The following TRPM3 variants were observed in gnomAD, a reference collection of about 807,000 sequenced individuals.
TRPM3 encodes transient receptor potential cation channel subfamily M member 3.
Under a neutral mutation model 181.2 loss-of-function variants are expected in TRPM3, and 77 were observed. The ratio of observed to expected loss-of-function variants is 0.42; its 90% CI spans 0.35 to 0.51. TRPM3 has a LOEUF of 0.51. TRPM3 is among the 20% of genes least tolerant of loss of function. The probability of loss-of-function intolerance (pLI) is 0.01; values close to 1 mark genes in which losing one functional copy is unlikely to be tolerated. For missense variants in TRPM3, 1,759 were observed against 2,196.7 expected, an observed-to-expected ratio of 0.80 and a Z score of 3.98; for synonymous variants, 745 against 796.4, an observed-to-expected ratio of 0.94 and a Z score of 1.09.
intron 21 of TRPM3, among the ~76,000 whole-genome samples, chr9:70,592,116 A>G (rs1163521025): frequency 6.6e-6 from 1 of 152,210 alleles, no homozygotes; most frequent in African/African-American, 2.4e-5. Context: ...TCAAAATATT[A>G]AATAGATGAG....
intron 1 of TRPM3, among the ~76,000 whole-genome samples, chr9:70,877,127 A>T (rs893298025): frequency 6.6e-6 from 1 of 152,018 alleles, no homozygotes; most frequent in Admixed American, 6.6e-5. Context: ...GAATTAGCTC[A>T]TGGCATTTCA....
chr9:71,137,949 T>C (rs2074866633), intron 1 of TRPM3, among the ~76,000 whole-genome samples: 1 of 151,728 alleles, frequency 6.6e-6, no homozygotes, highest in Non-Finnish European at 1.5e-5. Flanking sequence ...AAATCCTGTC[T>C]CTAAAAATGC....
At chr9:70,923,643 C>A (rs973163903) in intron 1 of TRPM3, among the ~76,000 whole-genome samples, 1 of 151,894 alleles carries the variant, frequency 6.6e-6, no homozygotes, top group Non-Finnish European at 1.5e-5. Context: ...ATTTTTCTTG[C>A]CAGTTGTCAA....
chr9:70,784,355 GAAAC>G (rs2083120410), intron 6 of TRPM3, 76 bp from the exon 7 acceptor site: 1 of 1,439,070 alleles, frequency 6.9e-7, no homozygotes, highest in African/African-American at 1.4e-5. Context: ...AACAAAAAGA[GAAAC>G]AAAAAGCACA....
chr9:71,162,701 C>A (rs538940537), intron 1 of TRPM3, among the ~76,000 whole-genome samples: 2 of 152,072 alleles, frequency 1.3e-5, no homozygotes, highest in South Asian at 4.2e-4. Context: ...ATATATTAAT[C>A]ATTTATTTAA....
intron 8 of TRPM3, among the ~76,000 whole-genome samples, chr9:70,695,033 C>T (rs1054805218): frequency 6.6e-6 from 1 of 152,210 alleles, no homozygotes. Flanking sequence ...TGCCCATGAC[C>T]CAGAGCAATG....
At chr9:71,000,732 T>C (rs748873143) in intron 1 of TRPM3, among the ~76,000 whole-genome samples, 3 of 152,208 alleles carry the variant, frequency 2.0e-5, no homozygotes, top group South Asian at 4.1e-4. Context: ...AAGCTGGCAA[T>C]ACAATGTACA....
chr9:70,577,982 T>C (rs997384087), intron 22 of TRPM3, among the ~76,000 whole-genome samples: 2 of 152,250 alleles, frequency 1.3e-5, no homozygotes, highest in African/African-American at 4.8e-5. Flanking sequence ...TCTGAAGCTC[T>C]TGTTCAGAAT....
chr9:71,432,741 G>C (rs1225541383), intron 1 of TRPM3, among the ~76,000 whole-genome samples: 1 of 152,108 alleles, frequency 6.6e-6, no homozygotes, highest in African/African-American at 2.4e-5. Context: ...GGATGACTTT[G>C]TGATATGAAG....
chr9:70,865,418 A>G (rs1022935477), intron 1 of TRPM3: 2 of 152,094 alleles, frequency 1.3e-5, no homozygotes, highest in African/African-American at 4.8e-5. Flanking sequence ...AGCCTTTAAG[A>G]TGGAAGTTGC....
chr9:70,642,623 T>C (rs1230676317), intron 9 of TRPM3, among the ~76,000 whole-genome samples: 1 of 152,216 alleles, frequency 6.6e-6, no homozygotes, highest in Non-Finnish European at 1.5e-5. Context: ...AAGCTCTCCA[T>C]GTGCTTCCAA....
chr9:70,897,630 C>T (rs2096297871), intron 1 of TRPM3, among the ~76,000 whole-genome samples: 1 of 152,028 alleles, frequency 6.6e-6, no homozygotes, highest in Non-Finnish European at 1.5e-5. Flanking sequence ...TTCTAGAAAA[C>T]TCATAAAGTC....
chr9:71,135,948 A>G (rs1451464848), intron 1 of TRPM3, among the ~76,000 whole-genome samples: 3 of 152,212 alleles, frequency 2.0e-5, no homozygotes. Flanking sequence ...CTTGCAGCAT[A>G]ACCATGAATT....
intron 1 of TRPM3, among the ~76,000 whole-genome samples, chr9:71,368,468 G>A (rs1438275829): frequency 6.6e-6 from 1 of 152,058 alleles, no homozygotes. Context: ...TGTACCAAGG[G>A]AATAGAACAG....
chr9:71,211,763 T>A (rs935915138), intron 1 of TRPM3, among the ~76,000 whole-genome samples: 1 of 152,206 alleles, frequency 6.6e-6, no homozygotes, highest in Admixed American at 6.5e-5. Flanking sequence ...CATCAGCTAC[T>A]GGAATTAAGG....
chr9:70,658,603 A>G (rs1261212051), intron 9 of TRPM3, among the ~76,000 whole-genome samples: 1 of 152,082 alleles, frequency 6.6e-6, no homozygotes, highest in East Asian at 1.9e-4. Context: ...AAATTTTTGT[A>G]TACTACAGAG....
intron 1 of TRPM3, among the ~76,000 whole-genome samples, chr9:71,057,586 T>C (rs556915331): frequency 6.7e-4 from 102 of 152,182 alleles, no homozygotes; most frequent in Non-Finnish European, 1.1e-3. Flanking sequence ...TGGCATTTCA[T>C]ATTATTAGCT....
chr9:70,998,067 CTGTTTT>C (rs2097558386), intron 1 of TRPM3, among the ~76,000 whole-genome samples: 1 of 151,026 alleles, frequency 6.6e-6, no homozygotes, highest in Non-Finnish European at 1.5e-5. Context: ...CTGAGGATTT[CTGTTTT>C]TAATTTTATT....
intron 22 of TRPM3, among the ~76,000 whole-genome samples, chr9:70,556,234 CTT>C (rs56278773): frequency 6.9e-4 from 101 of 146,270 alleles, no homozygotes; most frequent in Admixed American, 9.5e-4. Flanking sequence ...AGCTTAATAT[CTT>C]TTTTTTTTTT....
Sources: allele counts gnomAD v4.1 joint callset (sites outside exome capture counted in the v4.1 genomes callset), GRCh38; gene constraint gnomAD v4.1.1; transcripts MANE v1.5; gene names NCBI Gene and HGNC (gene_info 2026-07-23, HGNC 2026-07-21).